Variants in HPSE2 observed in about 807,000 individuals in gnomAD.
HPSE2 encodes the protein inactive heparanase-2.
Under a neutral mutation model 60.5 loss-of-function variants are expected in HPSE2, and 38 were observed. The ratio of observed to expected loss-of-function variants is 0.63; its 90% CI spans 0.48 to 0.82. The LOEUF (loss-of-function observed/expected upper bound fraction) is 0.82, where lower values mean the gene tolerates loss of function less well. HPSE2 is among the 40% of genes least tolerant of loss of function. The pLI, the probability that HPSE2 is intolerant of heterozygous loss-of-function variation, is 0.00. For synonymous variants in HPSE2, 295 were observed against 293.2 expected, an observed-to-expected ratio of 1.01 and a Z score of -0.06; for missense variants, 713 against 740.4, an observed-to-expected ratio of 0.96 and a Z score of 0.43.
At chr10:99,095,505 C>T (rs1032599653) in intron 3 of HPSE2, among the ~76,000 whole-genome samples, 1 of 152,134 alleles carries the variant, frequency 6.6e-6, no homozygotes, top group African/African-American at 2.4e-5. Flanking sequence ...AATTTTAGAA[C>T]ATTTTCATCA....
At chr10:99,038,737 G>A (rs573881965) in intron 3 of HPSE2, among the ~76,000 whole-genome samples, 6 of 152,184 alleles carry the variant, frequency 3.9e-5, no homozygotes, top group Admixed American at 6.5e-5. Flanking sequence ...TCGGGAAGCC[G>A]GGTGAAGGAT....
At chr10:99,114,685 C>T (rs529417816) in intron 3 of HPSE2, among the ~76,000 whole-genome samples, 11 of 152,044 alleles carry the variant, frequency 7.2e-5, no homozygotes, top group African/African-American at 1.9e-4. Context: ...GGGGCTGAGA[C>T]GGGTGGATCA....
chr10:98,845,922 C>T (rs1015414126), intron 3 of HPSE2, among the ~76,000 whole-genome samples: 32 of 152,206 alleles, frequency 2.1e-4, no homozygotes, highest in African/African-American at 7.7e-4. Flanking sequence ...GTAGTGGTGT[C>T]TCCCAACCAA....
chr10:98,464,543 C>T (rs1940445026), intron 11 of HPSE2, among the ~76,000 whole-genome samples: 2 of 152,222 alleles, frequency 1.3e-5, no homozygotes, highest in South Asian at 4.1e-4. Context: ...TGGAGCCCCA[C>T]TTCTGGACTC....
chr10:99,305,965 GCGCGCGCGCGCGCGCACA>G, the HPSE2 span, among the ~76,000 whole-genome samples: 24 of 64,000 alleles, frequency 3.8e-4, no homozygotes, highest in African/African-American at 1.8e-3. Flanking sequence ...ACACACACGC[GCGCGCGCGCGCGCGCACA>G]CACACACACA....
At chr10:98,535,095 T>C (rs1943243251) in intron 9 of HPSE2, among the ~76,000 whole-genome samples, 1 of 152,250 alleles carries the variant, frequency 6.6e-6, no homozygotes, top group African/African-American at 2.4e-5. Context: ...TACTATATTT[T>C]TACTACTGTC....
intron 3 of HPSE2, among the ~76,000 whole-genome samples, chr10:99,089,384 T>C (rs1380738335): frequency 6.6e-6 from 1 of 152,242 alleles, no homozygotes; most frequent in Non-Finnish European, 1.5e-5. Context: ...TTCATTCTTC[T>C]ACATGTGGCT....
chr10:99,045,259 T>C (rs1957829059), intron 3 of HPSE2, among the ~76,000 whole-genome samples: 1 of 152,180 alleles, frequency 6.6e-6, no homozygotes. Flanking sequence ...AAATAATTCC[T>C]GTGTAAGCAC....
At chr10:99,034,909 G>T (rs1478692261) in intron 3 of HPSE2, among the ~76,000 whole-genome samples, 1 of 152,068 alleles carries the variant, frequency 6.6e-6, no homozygotes, top group Admixed American at 6.5e-5. Flanking sequence ...TGGTATAAAA[G>T]ATTTTTTAAA....
chr10:99,089,509 C>G (rs1356254745), intron 3 of HPSE2, among the ~76,000 whole-genome samples: 1 of 152,130 alleles, frequency 6.6e-6, no homozygotes, highest in African/African-American at 2.4e-5. Context: ...TCTGGGTTCT[C>G]TATTCTGTTC....
At chr10:99,283,068 C>A in the HPSE2 span, among the ~76,000 whole-genome samples, 1 of 151,904 alleles carries the variant, frequency 6.6e-6, no homozygotes, top group African/African-American at 2.4e-5. Context: ...CGCCTGTAGT[C>A]CCAGCTACTG....
chr10:99,149,216 C>G (rs1010357), intron 2 of HPSE2, among the ~76,000 whole-genome samples: 74,760 of 151,688 alleles, frequency 0.49, 20,894 homozygotes, highest in East Asian at 0.65. Flanking sequence ...ACTTTTTTAA[C>G]AACAGAAGCT....
the HPSE2 span, among the ~76,000 whole-genome samples, chr10:99,282,887 C>T: frequency 1.4e-4 from 22 of 152,082 alleles, no homozygotes; most frequent in Middle Eastern, 6.8e-3. Context: ...TAAATGCCTA[C>T]GTTAAAAAAA....
the HPSE2 span, among the ~76,000 whole-genome samples, chr10:99,294,868 A>C: frequency 6.6e-6 from 1 of 152,096 alleles, no homozygotes; most frequent in Non-Finnish European, 1.5e-5. Context: ...AGGCAGGGGC[A>C]TTGTTTGAAC....
chr10:98,490,344 C>G (rs1311428379), intron 9 of HPSE2, 148 bp from the exon 10 acceptor site: 2 of 1,005,168 alleles, frequency 2.0e-6, no homozygotes, highest in African/African-American at 1.6e-5. Flanking sequence ...CAATGCAGCC[C>G]TAAGCCTACA....
intron 9 of HPSE2, among the ~76,000 whole-genome samples, chr10:98,519,327 G>T (rs1202317507): frequency 2.0e-5 from 3 of 152,202 alleles, no homozygotes; most frequent in African/African-American, 7.2e-5. Context: ...TCTGTAAGTA[G>T]AGTTTTTGAG....
chr10:98,759,346 G>A (rs576835173), intron 3 of HPSE2, among the ~76,000 whole-genome samples: 22 of 152,072 alleles, frequency 1.4e-4, no homozygotes, highest in Admixed American at 1.3e-3. Context: ...AATAAAAGTT[G>A]GAAGAAAAGG....
intron 3 of HPSE2, among the ~76,000 whole-genome samples, chr10:98,936,753 G>A (rs1954804147): frequency 7.0e-6 from 1 of 142,368 alleles, no homozygotes; most frequent in Non-Finnish European, 1.5e-5. Context: ...GGCCGAGGTG[G>A]GTGGATTATG....
Position 98,641,899 on chromosome 10 carries a change from AG to A in HPSE2, c.1045del (p.Leu349Ter). On this transcript the variant is annotated frameshift_variant, in exon 7 of 12. Transcript: ENST00000370552. LOFTEE classifies it high-confidence loss of function. ...DGRVVKVMDF[L>X]KTRLLDTLSD... is the part of the protein sequence containing the mutation. ...GAGTGTGTCTAACAGGCGAGTTTTC[AG>A]GAAGTCCATCACCTTGACCACCCGG... The A allele has an allele frequency of 6.2e-7, 1 of 1,613,984 alleles. No homozygotes were observed. The highest frequency in any genetic ancestry group is 8.5e-7 in the Non-Finnish European group (1 of 1,179,940).
Sources: allele counts gnomAD v4.1 joint callset (sites outside exome capture counted in the v4.1 genomes callset), GRCh38; gene constraint gnomAD v4.1.1; transcripts MANE v1.5; gene names NCBI Gene and HGNC (gene_info 2026-07-23, HGNC 2026-07-21).